VRTN: variants seen among roughly 807,000 people sequenced by gnomAD.
VRTN encodes the protein vertebrae development associated, also known as vertnin.
Under a neutral mutation model 18.2 loss-of-function variants are expected in VRTN, and 5 were observed. That is an observed-to-expected ratio of 0.27 (90% CI 0.14 to 0.58). The LOEUF is 0.58. Ranked by LOEUF, VRTN falls within the 20% of genes least tolerant of loss-of-function variation. The pLI is 0.91. For missense variants in VRTN, 741 were observed against 939.4 expected, an observed-to-expected ratio of 0.79 and a Z score of 2.76; for synonymous variants, 381 against 393.7, an observed-to-expected ratio of 0.97 and a Z score of 0.38.
At chr14:74,348,180 T>TC (rs1185652401), upstream of VRTN, among the ~76,000 whole-genome samples, 1 of 152,152 alleles carries the variant, frequency 6.6e-6, no homozygotes, top group Non-Finnish European at 1.5e-5. Flanking sequence ...CAGACTTTCT[T>TC]CCCCTAGGTC....
intron 1 of VRTN, among the ~76,000 whole-genome samples, chr14:74,321,959 G>A (rs917838097): frequency 1.3e-5 from 2 of 152,024 alleles, no homozygotes; most frequent in Non-Finnish European, 2.9e-5. Context: ...TCCTGCCTCA[G>A]CCTCCTGAGT....
At chr14:74,312,609 C>T (rs780144730) in intron 1 of VRTN, among the ~76,000 whole-genome samples, 1 of 151,988 alleles carries the variant, frequency 6.6e-6, no homozygotes, top group African/African-American at 2.4e-5. Flanking sequence ...TGCCACCACA[C>T]CCAGCTGATT....
Position 74,357,072 on chromosome 14 carries a change from G to A in VRTN, c.289G>A (p.Asp97Asn). Residue 97 changes from aspartate (D) to asparagine (N), a missense_variant, in exon 2 of 2, where the codon GAC becomes AAC. Asp to Asn is a conservative substitution (Grantham distance 23, BLOSUM62 1). Coordinates refer to ENST00000256362, the MANE Select transcript of VRTN (RefSeq NM_018228.3). This position sits in a 1 kb window ranked among gnomAD's most constrained non-coding sequence, Gnocchi z 7.8. ...FEAASMLLWG[D>N]AGLSLELRAR... ...GGCGGCCAGCATGCTGCTGTGGGGT[G>A]ACGCAGGCCTCAGCCTGGAGCTGCG... 7 of 1,607,946 alleles carry A rather than the reference G, an allele frequency of 4.4e-6. No individual in the cohort carries two copies. Among genetic ancestry groups the A allele is most frequent in the Non-Finnish European group, 5.9e-6 (7 of 1,178,282 alleles).
chr14:74,351,658 TC>T lies in VRTN; in HGVS notation c.-2+3008del, dbSNP rs781745164. ...TACTATGCAGGCTAATTTTTTTTTT[TC>T]CGTAGAGATGGGGTTATGTTATGTT... On this transcript the variant is annotated intron_variant, in intron 1 of 1. Coordinates refer to ENST00000256362, the MANE Select transcript of VRTN (RefSeq NM_018228.3). Among the ~76,000 whole-genome samples the T allele has an allele frequency of 9.5e-4, 145 of 151,950 alleles. 1 individual carries two copies. Among genetic ancestry groups the T allele is most frequent in the African/African-American group, 3.3e-3 (137 of 41,450 alleles).
chr14:74,319,500 T>A (rs1424223717), intron 1 of VRTN, among the ~76,000 whole-genome samples: 1 of 152,206 alleles, frequency 6.6e-6, no homozygotes, highest in Non-Finnish European at 1.5e-5. Flanking sequence ...CAAGTGCAAC[T>A]TTAAGGCTTT....
intron 2 of VRTN, among the ~76,000 whole-genome samples, chr14:74,341,042 G>A (rs1217597442): frequency 1.3e-5 from 2 of 152,114 alleles, no homozygotes; most frequent in Non-Finnish European, 2.9e-5. Context: ...GTGCCCAGCT[G>A]AAATAACAAA....
intron 1 of VRTN, among the ~76,000 whole-genome samples, chr14:74,329,527 G>A (rs2085508599): frequency 6.6e-6 from 1 of 151,972 alleles, no homozygotes; most frequent in Admixed American, 6.6e-5. Context: ...CCCACCTTGG[G>A]TCTACCAAGT....
chr14:74,314,928 A>G (rs1444793301), intron 1 of VRTN, among the ~76,000 whole-genome samples: 1 of 152,176 alleles, frequency 6.6e-6, no homozygotes, highest in African/African-American at 2.4e-5. Flanking sequence ...CAGACAAGGT[A>G]GGTCAGAATT....
intron 1 of VRTN, among the ~76,000 whole-genome samples, chr14:74,311,772 CTT>C (rs34712936): frequency 6.9e-6 from 1 of 144,288 alleles, no homozygotes. Flanking sequence ...CATATACAGA[CTT>C]TTTTTTTTTT....
In VRTN at chr14:74,357,497, C is replaced by T. The variant is rs781542011; in HGVS notation, c.714C>T (p.Ala238=). 1.9e-6 allele frequency: 3 copies of T among 1,612,866 alleles called. No individual in the cohort carries two copies. The East Asian group carries it at 6.7e-5, about 36-fold the overall frequency. ...TSHFFRHQYF[A]PVVGLEEVEA... ...ACTTCTTCCGCCACCAGTACTTTGC[C>T]CCTGTGGTGGGGCTGGAAGAGGTGG... Residue 238 remains alanine (A), a synonymous_variant, in exon 2 of 2, where the codon GCC becomes GCT. Transcript: ENST00000256362. The surrounding 1 kb of genome is among the most constrained non-coding windows in gnomAD (Gnocchi z 7.8).
rs137997565 is a variant in VRTN, at chr14:74,359,120, G to A, written c.*228G>A. The stretch of plus-strand genomic sequence containing the variant: ...TGTGGGACCAGAGATATCCTCTTTC[G>A]TTGTTTGCTGGTCATATTTTTACTG... On this transcript the variant is annotated 3_prime_UTR_variant, in exon 2 of 2. Transcript: ENST00000256362. 1.1e-3 allele frequency: 848 copies of A among 796,434 alleles called. 3 individuals carry two copies. In the African/African-American group the frequency reaches 0.013, roughly 13 times the overall value. The allele number at this position is 796,434 out of a possible 1,614,324, so 49.3% of individuals were successfully genotyped here.
chr14:74,332,327 C>A (rs898467519), intron 1 of VRTN, among the ~76,000 whole-genome samples: 1 of 138,808 alleles, frequency 7.2e-6, no homozygotes, highest in South Asian at 2.3e-4. Flanking sequence ...AGGATCGACT[C>A]CTAATCTGTT....
intron 1 of VRTN, among the ~76,000 whole-genome samples, chr14:74,330,935 C>G (rs2085517777): frequency 6.6e-6 from 1 of 151,870 alleles, no homozygotes; most frequent in Non-Finnish European, 1.5e-5. Flanking sequence ...CACGGTGGCT[C>G]ACGCCTGTAA....
rs750450496 is a variant in VRTN, at chr14:74,357,240, C to T, written c.457C>T (p.Leu153=). 27 of 1,613,528 alleles carry T rather than the reference C, an allele frequency of 1.7e-5. No homozygotes were observed. Among genetic ancestry groups the T allele is most frequent in the Non-Finnish European group, 2.0e-5 (24 of 1,179,850 alleles). ...GATGACCAGCTTGCCCCCCGCCACGCTGGAGGCCATCTTCGATGCCGACGT... is the reference window on the plus strand; with the variant it reads ...GATGACCAGCTTGCCCCCCGCCACGTTGGAGGCCATCTTCGATGCCGACGT... ...PEMTSLPPAT[L]EAIFDADVKA... is the part of the protein sequence containing the mutation. Residue 153 remains leucine (L), a synonymous_variant, in exon 2 of 2, where the codon CTG becomes TTG. Coordinates refer to ENST00000256362, the MANE Select transcript of VRTN (RefSeq NM_018228.3). The surrounding 1 kb of genome is among the most constrained non-coding windows in gnomAD (Gnocchi z 7.8).
At chr14:74,328,151 T>G (rs940805261) in intron 1 of VRTN, among the ~76,000 whole-genome samples, 2 of 152,140 alleles carry the variant, frequency 1.3e-5, no homozygotes, top group African/African-American at 4.8e-5. Flanking sequence ...TACCTCCAAC[T>G]TCCTGGGTTA....
chr14:74,325,640 C>T (rs1856407875), intron 1 of VRTN, among the ~76,000 whole-genome samples: 1 of 151,932 alleles, frequency 6.6e-6, no homozygotes, highest in African/African-American at 2.4e-5. Context: ...GGACCCCTGT[C>T]TACTCAGGAG....
intron 1 of VRTN, among the ~76,000 whole-genome samples, chr14:74,320,310 G>C (rs1313264504): frequency 1.4e-5 from 2 of 139,234 alleles, no homozygotes; most frequent in Non-Finnish European, 3.0e-5. Flanking sequence ...GCCCAGGCTG[G>C]AGTGCAGTGG....
chr14:74,338,735 T>A (rs2085581596), intron 2 of VRTN, among the ~76,000 whole-genome samples: 1 of 151,572 alleles, frequency 6.6e-6, no homozygotes, highest in Non-Finnish European at 1.5e-5. Context: ...TTTTTATTTT[T>A]TATTTTTGAG....
chr14:74,354,358 T>C (rs1196434933), intron 1 of VRTN, among the ~76,000 whole-genome samples: 2 of 152,118 alleles, frequency 1.3e-5, no homozygotes, highest in African/African-American at 4.8e-5. Flanking sequence ...AATGTGGAAT[T>C]TGAAACCATA....
Sources: gnomAD v4.1 joint callset for allele counts (sites outside exome capture counted in the v4.1 genomes callset) on GRCh38, gnomAD v4.1.1 for gene constraint, Gnocchi (gnomAD v3.1) non-coding constraint, MANE v1.5 for transcripts, NCBI Gene and HGNC (gene_info 2026-07-23, HGNC 2026-07-21) for gene names.